PCDHAC1: variants seen among roughly 807,000 people sequenced by gnomAD.
The protein encoded by PCDHAC1 is protocadherin alpha-C1.
PCDHAC1 carries 42 observed loss-of-function variants against 60.0 expected under a neutral mutation model. That is an observed-to-expected ratio of 0.70 (90% CI 0.55 to 0.90). The LOEUF (loss-of-function observed/expected upper bound fraction) is 0.90. Among genes scored for constraint, PCDHAC1 ranks in the 40% least tolerant of loss-of-function variants. The probability of loss-of-function intolerance (pLI) is 0.00; values close to 1 mark genes in which losing one functional copy is unlikely to be tolerated. For missense variants in PCDHAC1, 1,160 were observed against 1,222.3 expected (o/e 0.95, Z 0.76); for synonymous variants, 468 against 499.3 (o/e 0.94, Z 0.84).
chr5:140,986,371 G>T (rs1453761888), intron 3 of PCDHAC1, among the ~76,000 whole-genome samples: 2 of 152,116 alleles, frequency 1.3e-5, no homozygotes, highest in African/African-American at 2.4e-5. Flanking sequence ...AATGCGTTTT[G>T]GGGGGAGGGA....
At chr5:140,962,676 G>C (rs1201696145) in intron 1 of PCDHAC1, among the ~76,000 whole-genome samples, 1 of 152,126 alleles carries the variant, frequency 6.6e-6, no homozygotes, top group Non-Finnish European at 1.5e-5. Context: ...CCATCCACTG[G>C]ATGTTTTATC....
intron 1 of PCDHAC1, among the ~76,000 whole-genome samples, chr5:140,940,236 A>G (rs1487572447): frequency 1.3e-5 from 2 of 152,200 alleles, no homozygotes; most frequent in East Asian, 3.8e-4. Flanking sequence ...TTGGTACATT[A>G]AAGTTACCTC....
intron 3 of PCDHAC1, among the ~76,000 whole-genome samples, chr5:140,999,483 T>G (rs1316785085): frequency 3.3e-5 from 5 of 152,152 alleles, no homozygotes; most frequent in Admixed American, 2.6e-4. Flanking sequence ...CCAACTCAAG[T>G]CTATGTTACC....
intron 1 of PCDHAC1, chr5:140,929,542 C>A (rs2086218387): frequency 1.9e-6 from 1 of 536,790 alleles, no homozygotes; most frequent in Non-Finnish European, 3.0e-6. Context: ...GAAACAAGGG[C>A]AAAAATTAAA....
chr5:140,937,527 G>A (rs1190290782), intron 1 of PCDHAC1, among the ~76,000 whole-genome samples: 3 of 152,250 alleles, frequency 2.0e-5, no homozygotes, highest in Non-Finnish European at 4.4e-5. Flanking sequence ...TGAGGCAGGA[G>A]AATTGCTTGA....
At chr5:140,959,697 CTTTGAAAGGGA>C (rs2095506406) in intron 1 of PCDHAC1, among the ~76,000 whole-genome samples, 1 of 152,008 alleles carries the variant, frequency 6.6e-6, no homozygotes, top group Non-Finnish European at 1.5e-5. Flanking sequence ...ATAAAATGAG[CTTTGAAAGGGA>C]AAATTTTTAG....
chr5:140,995,285 C>G (rs1179283452), intron 3 of PCDHAC1, among the ~76,000 whole-genome samples: 1 of 152,048 alleles, frequency 6.6e-6, no homozygotes, highest in African/African-American at 2.4e-5. Flanking sequence ...ACCAAAACAG[C>G]CAGTCGGATA....
At chr5:140,947,996 T>C (rs185303145) in intron 1 of PCDHAC1, among the ~76,000 whole-genome samples, 1 of 126,772 alleles carries the variant, frequency 7.9e-6, no homozygotes, top group Non-Finnish European at 1.7e-5. Context: ...CCAAATACTT[T>C]ATTAAATTTA....
At chr5:140,975,027 C>G (rs1235916815) in intron 1 of PCDHAC1, among the ~76,000 whole-genome samples, 1 of 152,082 alleles carries the variant, frequency 6.6e-6, no homozygotes, top group Non-Finnish European at 1.5e-5. Flanking sequence ...GCTGTGTTGT[C>G]CTTTGCAGGC....
At chr5:140,998,055 T>C (rs2097794971) in intron 3 of PCDHAC1, among the ~76,000 whole-genome samples, 1 of 152,190 alleles carries the variant, frequency 6.6e-6, no homozygotes, top group Non-Finnish European at 1.5e-5. Flanking sequence ...AGTGACATCA[T>C]CATCAACAGA....
intron 1 of PCDHAC1, among the ~76,000 whole-genome samples, chr5:140,957,190 A>G (rs2153712685): frequency 6.6e-6 from 1 of 152,294 alleles, no homozygotes; most frequent in South Asian, 2.1e-4. Context: ...TTGATGACCG[A>G]TTGGGAATAT....
rs576013331 is a variant in PCDHAC1 at position 140,926,693 on chromosome 5, C to G, written c.-200C>G. The G allele has an allele frequency of 3.9e-4, 291 of 742,942 alleles. No homozygotes were observed. Among genetic ancestry groups the G allele is most frequent in the Non-Finnish European group, 5.0e-4 (255 of 510,296 alleles). 46.0% of individuals were successfully genotyped at this position (742,942 alleles called of 1,614,324 possible). A position where few individuals can be genotyped will look rare whatever the true frequency, so the allele number is the denominator to read the frequency against. On this transcript the variant is annotated 5_prime_UTR_variant, in exon 1 of 4. Coordinates refer to ENST00000253807, the MANE Select transcript of PCDHAC1 (RefSeq NM_018898.5). ...TGCCCAGCCTCCAGCCTAGCAAGCC[C>G]GGCTCCCAGCTGGCCAGCCCCGGCA...
Position 140,961,969 on chromosome 5 carries a change from C to A in PCDHAC1, c.2434-16980C>A, listed in dbSNP as rs188846719. ...CATGATCTCGGCTCACTGCAACCTCCGCCTCCTGGGTTCACGCCATTGTCC... is the reference window on the plus strand; with the variant it reads ...CATGATCTCGGCTCACTGCAACCTCAGCCTCCTGGGTTCACGCCATTGTCC... On this transcript the variant is annotated intron_variant, in intron 1 of 3. Transcript: ENST00000253807. 8.7e-4 allele frequency among the ~76,000 whole-genome samples: 132 copies of A among 151,904 alleles called. 1 individual carries two copies. Among genetic ancestry groups the A allele is most frequent in the African/African-American group, 3.0e-3 (126 of 41,408 alleles).
intron 2 of PCDHAC1, among the ~76,000 whole-genome samples, chr5:140,980,713 C>A (rs1034858406): frequency 1.3e-5 from 2 of 151,364 alleles, no homozygotes; most frequent in Non-Finnish European, 2.9e-5. Context: ...TGCTCCTATT[C>A]GGGTTTCAAT....
rs911070094 is a variant in PCDHAC1, at chr5:141,009,570, G to A, written c.2582-57G>A. On this transcript the variant is annotated intron_variant, in intron 3 of 3. Coordinates refer to ENST00000253807, the MANE Select transcript of PCDHAC1 (RefSeq NM_018898.5). ...AGTACTCCTGTACTCTACCAGCAGT[G>A]TGGCATCAAGAGCATGTGTTGACCC... The A allele has an allele frequency of 1.9e-6, 3 of 1,577,968 alleles. No homozygotes were observed. In the Admixed American group the frequency reaches 5.2e-5, roughly 28 times the overall value.
In PCDHAC1 at chr5:140,927,041, T is replaced by G. The variant is rs1242687827; in HGVS notation, c.149T>G (p.Met50Arg). ...GACTTGAGGCTGCCAGCGGCCGCTA[T>G]GTCCTCGCGGAACTTTCGCTTCCTT... ...SADLRLPAAA[M>R]SSRNFRFLSS... Residue 50 changes from methionine to arginine, a missense_variant, in exon 1 of 4, where the codon ATG becomes AGG. By Grantham distance (91) the Met-to-Arg change is moderately conservative. Coordinates refer to ENST00000253807, the MANE Select transcript of PCDHAC1 (RefSeq NM_018898.5). 9.9e-6 allele frequency: 16 copies of G among 1,612,338 alleles called. No homozygotes were observed. The highest frequency in any genetic ancestry group is 1.0e-5 in the Non-Finnish European group (12 of 1,178,956).
intron 1 of PCDHAC1, among the ~76,000 whole-genome samples, chr5:140,959,151 C>CAG (rs782425604): frequency 2.0e-4 from 30 of 152,084 alleles, no homozygotes; most frequent in African/African-American, 7.0e-4. Context: ...CCAAAGTGGG[C>CAG]AGATTGCTTG....
At chr5:140,959,607 C>T (rs2095500489) in intron 1 of PCDHAC1, among the ~76,000 whole-genome samples, 1 of 151,986 alleles carries the variant, frequency 6.6e-6, no homozygotes, top group African/African-American at 2.4e-5. Flanking sequence ...ACATGCTTTT[C>T]TTGCTTGTGA....
At chr5:140,935,894 CTTT>C (rs55841305) in intron 1 of PCDHAC1, among the ~76,000 whole-genome samples, 2 of 136,728 alleles carry the variant, frequency 1.5e-5, no homozygotes, top group African/African-American at 2.7e-5. Context: ...TCAATATTAT[CTTT>C]TTTTTTTTTT....
Sources: allele counts gnomAD v4.1 joint callset (sites outside exome capture counted in the v4.1 genomes callset), GRCh38; gene constraint gnomAD v4.1.1; transcripts MANE v1.5; gene names NCBI Gene and HGNC (gene_info 2026-07-23, HGNC 2026-07-21).